The following SYTL5 variants were observed in gnomAD, a reference collection of about 807,000 sequenced individuals.
The protein encoded by SYTL5 is synaptotagmin-like protein 5.
A neutral mutation model predicts 55.9 loss-of-function variants in SYTL5; 34 were observed. That is an observed-to-expected ratio of 0.61 (90% CI 0.46 to 0.81). The LOEUF is 0.81. Ranked by LOEUF, SYTL5 falls within the 30% of genes least tolerant of loss-of-function variation. The pLI is 0.00. For synonymous variants in SYTL5, 221 were observed against 188.7 expected (o/e 1.17, Z -1.40); for missense variants, 637 against 546.7 (o/e 1.17, Z -1.65).
intron 1 of SYTL5, among the ~76,000 whole-genome samples, chrX:38,021,787 G>T (rs911793987): frequency 4.5e-5 from 5 of 111,880 alleles, no homozygotes; most frequent in Non-Finnish European, 9.4e-5. Flanking sequence ...CCTCTGGTGT[G>T]GCAATTGGCA....
chrX:37,947,724 GCAGA>G, the SYTL5 span, among the ~76,000 whole-genome samples: 1 of 111,198 alleles, frequency 9.0e-6, no homozygotes, highest in African/African-American at 3.3e-5. Context: ...CATAGATTTG[GCAGA>G]CAGACTTTGG....
chrX:37,958,558 C>T, the SYTL5 span, among the ~76,000 whole-genome samples: 39,764 of 110,359 alleles, frequency 0.36, 5,148 homozygotes, highest in East Asian at 0.6. Flanking sequence ...ACCATCGAAC[C>T]ATAGCATTCT....
At chrX:38,018,065 G>C (rs1934420442) in intron 1 of SYTL5, among the ~76,000 whole-genome samples, 1 of 109,536 alleles carries the variant, frequency 9.1e-6, no homozygotes, top group African/African-American at 3.3e-5. Context: ...AATGGGTCCT[G>C]TTAAGAATTC....
At chrX:38,075,324 A>G (rs1242949451) in intron 5 of SYTL5, among the ~76,000 whole-genome samples, 1 of 112,083 alleles carries the variant, frequency 8.9e-6, no homozygotes, top group Admixed American at 9.5e-5. Flanking sequence ...AAAGAATTGC[A>G]GGAAAATTTA....
chrX:38,021,444 G>A (rs1385978639), intron 1 of SYTL5, among the ~76,000 whole-genome samples: 1 of 112,008 alleles, frequency 8.9e-6, no homozygotes, highest in African/African-American at 3.2e-5. Context: ...CAGGAGTTGT[G>A]AGGTGTTAGG....
the SYTL5 span, among the ~76,000 whole-genome samples, chrX:37,931,807 A>G: frequency 8.9e-6 from 1 of 111,864 alleles, no homozygotes; most frequent in African/African-American, 3.2e-5. Context: ...ACTGAATTAT[A>G]AACAGGGCTA....
intron 2 of SYTL5, among the ~76,000 whole-genome samples, chrX:38,044,331 GA>G (rs898150005): frequency 1.8e-5 from 2 of 111,560 alleles, no homozygotes; most frequent in African/African-American, 6.5e-5. Context: ...GGTAAAATGG[GA>G]AAAAGTAAGT....
intron 9 of SYTL5, among the ~76,000 whole-genome samples, chrX:38,097,896 T>C (rs1019767648): frequency 9.2e-6 from 1 of 108,239 alleles, no homozygotes. Flanking sequence ...AAAAAAAAAC[T>C]TTATGGCCAA....
In SYTL5 at chrX:38,122,591, C is replaced by A. The variant is rs760216804; in HGVS notation, c.1841+376C>A. 1.3e-4 allele frequency among the ~76,000 whole-genome samples: 15 copies of A among 111,821 alleles called. No individual in the cohort carries two copies. The South Asian group carries it at 5.3e-3, about 39-fold the overall frequency. On this transcript the variant is annotated intron_variant, in intron 15 of 16. Coordinates refer to ENST00000297875, the MANE Select transcript of SYTL5 (RefSeq NM_138780.3). ...TGCAACAATCACCAAAATATCAGAT[C>A]CTTGATATTTTTCTCTCTTGGGGGA...
In SYTL5 at chrX:38,010,601, T is replaced by A. The variant is rs772369371; in HGVS notation, c.-357+3933T>A. 1.8e-3 allele frequency among the ~76,000 whole-genome samples: 207 copies of A among 111,950 alleles called. 2 individuals are homozygous for A. Among genetic ancestry groups the A allele is most frequent in the Non-Finnish European group, 3.3e-3 (174 of 53,210 alleles). ...ATGTCAGTATATCATGGAATCAAAA[T>A]GTCAGTATCCAAATAAATGTCCAAA... On this transcript the variant is annotated intron_variant, in intron 1 of 16. Transcript: ENST00000297875.
chrX:37,898,885 T>A, the SYTL5 span, among the ~76,000 whole-genome samples: 1 of 112,133 alleles, frequency 8.9e-6, no homozygotes, highest in Non-Finnish European at 1.9e-5. Context: ...ACATGGCTAA[T>A]AAATAGTGGA....
chrX:37,947,061 T>A, the SYTL5 span, among the ~76,000 whole-genome samples: 2 of 110,863 alleles, frequency 1.8e-5, no homozygotes, highest in African/African-American at 6.6e-5. Flanking sequence ...TCTCCCTCAT[T>A]TCCTCCTCTC....
At chrX:38,082,358 C>T (rs1183674198) in intron 6 of SYTL5, among the ~76,000 whole-genome samples, 2 of 112,271 alleles carry the variant, frequency 1.8e-5, no homozygotes, top group African/African-American at 6.5e-5. Context: ...TTACCACTCT[C>T]AGGGTAGCTA....
intron 9 of SYTL5, among the ~76,000 whole-genome samples, 174 bp from the exon 10 acceptor site, chrX:38,102,168 T>C (rs1185319192): frequency 9.0e-6 from 1 of 111,049 alleles, no homozygotes; most frequent in Non-Finnish European, 1.9e-5. Flanking sequence ...ACTTCTCCGA[T>C]GGTATAATTC....
intron 3 of SYTL5, among the ~76,000 whole-genome samples, chrX:38,068,880 G>A (rs4827329): frequency 0.13 from 14,044 of 110,881 alleles, 772 homozygotes; most frequent in Middle Eastern, 0.18. Flanking sequence ...ATATACCCAC[G>A]TAACAAACCT....
chrX:37,987,433 A>C, the SYTL5 span, among the ~76,000 whole-genome samples: 30 of 112,196 alleles, frequency 2.7e-4, no homozygotes, highest in Admixed American at 2.8e-3. Flanking sequence ...ATAAATTTGA[A>C]ATACATATTT....
At chrX:38,048,493 G>T (rs141483164) in intron 2 of SYTL5, among the ~76,000 whole-genome samples, 1 of 103,508 alleles carries the variant, frequency 9.7e-6, no homozygotes, top group Non-Finnish European at 2.0e-5. Flanking sequence ...TTTTCATGCT[G>T]CTGATAAAGA....
chrX:37,946,444 A>C, the SYTL5 span: 82,359 of 239,124 alleles, frequency 0.34, 11,281 homozygotes, highest in East Asian at 0.52. Flanking sequence ...ATAGAAGCTG[A>C]ATATGCACAT....
the SYTL5 span, chrX:37,991,071 ATG>A: frequency 2.9e-4 from 348 of 1,209,051 alleles, 2 homozygotes; most frequent in Non-Finnish European, 1.7e-5. Flanking sequence ...CAATGGCAGT[ATG>A]CGCAACACTT....
Sources: allele counts gnomAD v4.1 joint callset (sites outside exome capture counted in the v4.1 genomes callset), GRCh38; gene constraint gnomAD v4.1.1; transcripts MANE v1.5; gene names NCBI Gene and HGNC (gene_info 2026-07-23, HGNC 2026-07-21).